RBM41: variants seen among roughly 807,000 people sequenced by gnomAD.
RBM41 encodes RNA-binding protein 41.
RBM41 carries 14 observed loss-of-function variants against 30.8 expected under a neutral mutation model. The ratio of observed to expected loss-of-function variants is 0.45; its 90% CI spans 0.30 to 0.71. The LOEUF (loss-of-function observed/expected upper bound fraction) is 0.71. Among genes scored for constraint, RBM41 ranks in the 30% least tolerant of loss-of-function variants. The pLI, the probability that RBM41 is intolerant of heterozygous loss-of-function variation, is 0.08. For missense variants in RBM41, 276 were observed against 326.3 expected (o/e 0.85, Z 1.19); for synonymous variants, 120 against 110.1 (o/e 1.09, Z -0.56).
chrX:107,067,513 A>T lies in RBM41; in HGVS notation c.*14T>A, dbSNP rs146046356. 1,114 of 1,186,762 alleles carry T rather than the reference A, an allele frequency of 9.4e-4. 18 individuals carry two copies. The East Asian group carries it at 0.029, about 31-fold the overall frequency. Reference sequence around the variant, plus strand: ...TCAAGAAAGACCATCCAGGACCCACAATTTATATATATTCTAGCTACCACT... The same window carrying T: ...TCAAGAAAGACCATCCAGGACCCACTATTTATATATATTCTAGCTACCACT... On this transcript the variant is annotated 3_prime_UTR_variant, in exon 8 of 8. Coordinates refer to ENST00000685964, the MANE Select transcript of RBM41 (RefSeq NM_001324242.2).
chrX:107,074,211 G>A (rs1034617087), intron 6 of RBM41, among the ~76,000 whole-genome samples: 49 of 110,953 alleles, frequency 4.4e-4, no homozygotes, highest in African/African-American at 1.2e-3. Context: ...TATATGTATC[G>A]AAACATCAGT....
At position 107,063,594 on chromosome X, in the gene RBM41, A is replaced by C. The variant is rs1220087224; in HGVS notation, c.*3933T>G. On this transcript the variant is annotated 3_prime_UTR_variant, in exon 8 of 8. Transcript: ENST00000685964. Reference sequence around the variant, plus strand: ...TGGTTTTGGTAGTTTGTGTCTTCCTAGGAATTTGTCCACTTCATTGATAAT... The same window carrying C: ...TGGTTTTGGTAGTTTGTGTCTTCCTCGGAATTTGTCCACTTCATTGATAAT... Among the ~76,000 whole-genome samples, 1 of 112,166 alleles carries C rather than the reference A, an allele frequency of 8.9e-6. No homozygotes were observed. Among genetic ancestry groups the C allele is most frequent in the African/African-American group, 3.2e-5 (1 of 30,892 alleles).
At chrX:107,105,313 G>A (rs1923862667) in intron 5 of RBM41, among the ~76,000 whole-genome samples, 1 of 107,123 alleles carries the variant, frequency 9.3e-6, no homozygotes, top group Non-Finnish European at 1.9e-5. Flanking sequence ...ACTTACAAGG[G>A]ATGTGAAGGA....
chrX:107,093,128 T>C (rs1011583625), intron 5 of RBM41, among the ~76,000 whole-genome samples: 3 of 111,397 alleles, frequency 2.7e-5, no homozygotes, highest in Non-Finnish European at 5.7e-5. Context: ...TAAGGATTCC[T>C]CCCTTTGTAG....
At chrX:107,118,662 C>A in intron 1 of RBM41, 104 bp downstream of exon 1, 2 of 1,068,696 alleles carry the variant, frequency 1.9e-6, no homozygotes, top group Non-Finnish European at 2.6e-6. Flanking sequence ...AAACCGCATC[C>A]TGAGAACGTG....
At chrX:107,072,744 C>G (rs1936107368) in intron 6 of RBM41, among the ~76,000 whole-genome samples, 1 of 111,673 alleles carries the variant, frequency 9.0e-6, no homozygotes, top group Non-Finnish European at 1.9e-5. Flanking sequence ...TCAAAATGTA[C>G]TACAAAACTG....
intron 6 of RBM41, among the ~76,000 whole-genome samples, chrX:107,076,208 A>G (rs1569327952): frequency 9.2e-6 from 1 of 108,896 alleles, no homozygotes; most frequent in Admixed American, 1.0e-4. Context: ...TCCCAGCTAC[A>G]TGGGAGGCTG....
At chrX:107,088,374 T>C in intron 6 of RBM41, 62 bp downstream of exon 6, 2 of 1,032,872 alleles carry the variant, frequency 1.9e-6, no homozygotes, top group Admixed American at 5.1e-5. Context: ...AAAGTATTAC[T>C]TTAGGTAGAG....
chrX:107,106,209 G>A (rs1298236922), intron 5 of RBM41, among the ~76,000 whole-genome samples: 1 of 111,636 alleles, frequency 9.0e-6, no homozygotes, highest in African/African-American at 3.3e-5. Context: ...GTGGGCGAAG[G>A]ATATGAACAG....
chrX:107,066,057 T>G lies in RBM41; in HGVS notation c.*1470A>C, dbSNP rs1372504125. 8.9e-6 allele frequency among the ~76,000 whole-genome samples: 1 copy of G among 112,035 alleles called. No homozygotes were observed. Among genetic ancestry groups the G allele is most frequent in the Non-Finnish European group, 1.9e-5 (1 of 53,146 alleles). On this transcript the variant is annotated 3_prime_UTR_variant, in exon 8 of 8. Coordinates refer to ENST00000685964, the MANE Select transcript of RBM41 (RefSeq NM_001324242.2). Reference sequence around the variant, plus strand: ...TTTTGATTATGTGAGATGTTTTATTTCACGTTCATTTTTGAAAAATAGTTT... The same window carrying G: ...TTTTGATTATGTGAGATGTTTTATTGCACGTTCATTTTTGAAAAATAGTTT...
At chrX:107,101,013 G>A (rs1172893270) in intron 5 of RBM41, among the ~76,000 whole-genome samples, 1 of 112,117 alleles carries the variant, frequency 8.9e-6, no homozygotes, top group Non-Finnish European at 1.9e-5. Context: ...AGAAAAGGAA[G>A]ACCCAATAGA....
intron 5 of RBM41, among the ~76,000 whole-genome samples, chrX:107,105,046 G>A (rs919825460): frequency 9.1e-6 from 1 of 110,115 alleles, no homozygotes; most frequent in Non-Finnish European, 1.9e-5. Flanking sequence ...AGAAATAAAG[G>A]GTATTCAATT....
chrX:107,112,638 A>T (rs1226713850), intron 5 of RBM41, among the ~76,000 whole-genome samples: 2 of 111,852 alleles, frequency 1.8e-5, no homozygotes, highest in Middle Eastern at 4.6e-3. Flanking sequence ...ACCCGAATGC[A>T]CTTCAATGGG....
chrX:107,103,721 T>C (rs1393482819), intron 5 of RBM41, among the ~76,000 whole-genome samples: 3 of 111,892 alleles, frequency 2.7e-5, no homozygotes, highest in Non-Finnish European at 3.8e-5. Context: ...TATGTTGAAT[T>C]AAAGAAACCT....
At chrX:107,094,978 T>C (rs1922840179) in intron 5 of RBM41, among the ~76,000 whole-genome samples, 1 of 110,469 alleles carries the variant, frequency 9.1e-6, no homozygotes, top group Non-Finnish European at 1.9e-5. Context: ...TTTCTTTTCA[T>C]AGGAAAGTAA....
chrX:107,065,687 G>A lies in RBM41; in HGVS notation c.*1840C>T. 1 of 1,096,521 alleles carries A rather than the reference G, an allele frequency of 9.1e-7. No homozygotes were observed. The highest frequency in any genetic ancestry group is 2.4e-5 in the South Asian group (1 of 42,296). The allele number at this position is 1,096,521 out of a possible 1,213,427, so 90.4% of individuals were successfully genotyped here. A position where few individuals can be genotyped will look rare whatever the true frequency, so the allele number is the denominator to read the frequency against. On this transcript the variant is annotated 3_prime_UTR_variant, in exon 8 of 8. Coordinates refer to ENST00000685964, the MANE Select transcript of RBM41 (RefSeq NM_001324242.2). ...TTTCACGTTCTCTCCATTTGTTCCT[G>A]TGGATTTGTCTTACCATCTGGAGTC...
At position 107,061,998 on chromosome X, in the gene RBM41, T is replaced by C. The variant is rs1248122029; in HGVS notation, c.*5529A>G. On this transcript the variant is annotated 3_prime_UTR_variant, in exon 8 of 8. Coordinates refer to ENST00000685964, the MANE Select transcript of RBM41 (RefSeq NM_001324242.2). ...TGACAAATGCATATACTTATGTAACTACAATAAAGACACGGAAAATTTCAA... is the reference window on the plus strand; with the variant it reads ...TGACAAATGCATATACTTATGTAACCACAATAAAGACACGGAAAATTTCAA... Among the ~76,000 whole-genome samples the C allele has an allele frequency of 2.7e-5, 3 of 112,343 alleles. No individual in the cohort carries two copies. Among genetic ancestry groups the C allele is most frequent in the African/African-American group, 9.7e-5 (3 of 30,932 alleles).
intron 6 of RBM41, among the ~76,000 whole-genome samples, chrX:107,078,876 C>T (rs1179680405): frequency 9.2e-6 from 1 of 108,147 alleles, no homozygotes; most frequent in African/African-American, 3.4e-5. Flanking sequence ...TGAAATACCC[C>T]GAATGTCAAA....
chrX:107,065,800 A>C lies in RBM41; in HGVS notation c.*1727T>G. ...TATTATATTTTATACGTTATAGGCC[A>C]AACGATGCAACTATATACATATTGT... On this transcript the variant is annotated 3_prime_UTR_variant, in exon 8 of 8. Transcript: ENST00000685964. 1.8e-6 allele frequency: 2 copies of C among 1,124,553 alleles called. No homozygotes were observed. Among genetic ancestry groups the C allele is most frequent in the East Asian group, 3.4e-5 (1 of 29,616 alleles). The allele number at this position is 1,124,553 out of a possible 1,213,427, so 92.7% of individuals were successfully genotyped here.
Sources: allele counts gnomAD v4.1 joint callset (sites outside exome capture counted in the v4.1 genomes callset), GRCh38; gene constraint gnomAD v4.1.1; transcripts MANE v1.5; gene names NCBI Gene and HGNC (gene_info 2026-07-23, HGNC 2026-07-21).